The following PDZRN3 variants were observed in gnomAD, a reference collection of about 807,000 sequenced individuals.
PDZRN3 encodes E3 ubiquitin-protein ligase PDZRN3.
In PDZRN3, 38 loss-of-function variants were observed where a neutral mutation model predicts 85.7. The observed-to-expected ratio is 0.44, with a 90% CI of 0.34 to 0.58. PDZRN3 has a LOEUF of 0.58. PDZRN3 is among the 20% of genes least tolerant of loss of function. The pLI is 0.01. For synonymous variants in PDZRN3, 759 were observed against 638.0 expected, an observed-to-expected ratio of 1.19 and a Z score of -2.86; for missense variants, 1,629 against 1,506.4, an observed-to-expected ratio of 1.08 and a Z score of -1.35.
intron 3 of PDZRN3, among the ~76,000 whole-genome samples, chr3:73,455,729 A>G (rs771615520): frequency 1.3e-5 from 2 of 152,240 alleles, no homozygotes; most frequent in Non-Finnish European, 2.9e-5. Flanking sequence ...TTTCTCTAGC[A>G]TGGAGCAAAT....
At chr3:73,600,865 A>T (rs1221635315) in intron 3 of PDZRN3, among the ~76,000 whole-genome samples, 1 of 152,238 alleles carries the variant, frequency 6.6e-6, no homozygotes, top group Non-Finnish European at 1.5e-5. Flanking sequence ...CTCTTGCCCA[A>T]GCAAATTCCT....
intron 3 of PDZRN3, among the ~76,000 whole-genome samples, chr3:73,537,503 T>G (rs1036822661): frequency 1.8e-4 from 27 of 152,356 alleles, no homozygotes; most frequent in Middle Eastern, 6.8e-3. Flanking sequence ...ATATTTGGCA[T>G]CAACAATTCC....
At chr3:73,567,091 A>T (rs1701962368) in intron 3 of PDZRN3, among the ~76,000 whole-genome samples, 1 of 152,218 alleles carries the variant, frequency 6.6e-6, no homozygotes, top group African/African-American at 2.4e-5. Context: ...AGAAAAACCT[A>T]GTTGTTATTA....
intron 1 of PDZRN3, chr3:73,621,823 C>T (rs1374903407): frequency 6.6e-6 from 1 of 152,182 alleles, no homozygotes; most frequent in African/African-American, 2.4e-5. Flanking sequence ...TGTCTCTAAG[C>T]TTAACATCCT....
At chr3:73,530,353 T>C (rs2106752864) in intron 3 of PDZRN3, among the ~76,000 whole-genome samples, 1 of 152,350 alleles carries the variant, frequency 6.6e-6, no homozygotes, top group Middle Eastern at 3.4e-3. Flanking sequence ...AAACCACGAT[T>C]ATGTACTGGC....
Position 73,439,538 on chromosome 3 carries a change from C to A in PDZRN3, c.919-35143G>T, listed in dbSNP as rs141709998. Reference sequence around the variant, plus strand: ...TGTCTGAACCCTATTTAGTGAGTGGCCACTGGTTCTTGAACAAGGAGTAAG... The same window carrying A: ...TGTCTGAACCCTATTTAGTGAGTGGACACTGGTTCTTGAACAAGGAGTAAG... On this transcript the variant is annotated intron_variant, in intron 3 of 9. Coordinates refer to ENST00000263666, the MANE Select transcript of PDZRN3 (RefSeq NM_015009.3). Among the ~76,000 whole-genome samples the A allele has an allele frequency of 4.2e-3, 644 of 152,210 alleles. 3 individuals carry two copies. Among genetic ancestry groups the A allele is most frequent in the African/African-American group, 0.015 (614 of 41,520 alleles).
chr3:73,385,384 T>C (rs1375202945), intron 9 of PDZRN3, among the ~76,000 whole-genome samples: 1 of 152,260 alleles, frequency 6.6e-6, no homozygotes, highest in East Asian at 1.9e-4. Flanking sequence ...CATGGCTTTT[T>C]GCAATCTATG....
intron 3 of PDZRN3, among the ~76,000 whole-genome samples, chr3:73,562,931 T>G (rs1239188032): frequency 6.9e-6 from 1 of 143,986 alleles, no homozygotes; most frequent in Admixed American, 7.1e-5. Flanking sequence ...GGAAAATACA[T>G]TTTCAGACTT....
At chr3:73,399,420 G>C (rs1439902362) in intron 5 of PDZRN3, among the ~76,000 whole-genome samples, 1 of 152,152 alleles carries the variant, frequency 6.6e-6, no homozygotes, top group Non-Finnish European at 1.5e-5. Context: ...CACTCCCCCA[G>C]GGGATTCTAG....
chr3:73,482,029 G>T (rs2106906670), intron 3 of PDZRN3, among the ~76,000 whole-genome samples: 1 of 152,258 alleles, frequency 6.6e-6, no homozygotes, highest in South Asian at 2.1e-4. Flanking sequence ...TCAACATTAA[G>T]AGCATCTTTG....
At chr3:73,618,088 T>C (rs938784506) in intron 1 of PDZRN3, among the ~76,000 whole-genome samples, 4 of 152,226 alleles carry the variant, frequency 2.6e-5, no homozygotes, top group East Asian at 1.9e-4. Flanking sequence ...GAACATGGTA[T>C]GGGATGAAAA....
intron 5 of PDZRN3, among the ~76,000 whole-genome samples, chr3:73,399,507 T>G (rs1187220809): frequency 6.6e-6 from 1 of 152,168 alleles, no homozygotes; most frequent in East Asian, 1.9e-4. Context: ...CCAAATGTAT[T>G]TCATTATGAA....
intron 3 of PDZRN3, among the ~76,000 whole-genome samples, chr3:73,454,628 A>G (rs900763280): frequency 6.6e-6 from 1 of 152,200 alleles, no homozygotes; most frequent in Non-Finnish European, 1.5e-5. Flanking sequence ...GGTGGTATCT[A>G]TAAATGCTAA....
chr3:73,458,971 A>C (rs955825383), intron 3 of PDZRN3, among the ~76,000 whole-genome samples: 2 of 150,400 alleles, frequency 1.3e-5, no homozygotes, highest in African/African-American at 4.9e-5. Flanking sequence ...CAGCCCGGGC[A>C]ACAGAGCAAA....
chr3:73,400,847 G>T, intron 5 of PDZRN3, 75 bp downstream of exon 5: 1 of 1,038,850 alleles, frequency 9.6e-7, no homozygotes. Context: ...ACTAATTTAT[G>T]CTTATAGAGA....
At chr3:73,615,909 C>T (rs1005382927) in intron 1 of PDZRN3, among the ~76,000 whole-genome samples, 1 of 152,126 alleles carries the variant, frequency 6.6e-6, no homozygotes, top group Non-Finnish European at 1.5e-5. Context: ...ATGACTGTCC[C>T]CCCAAATCTC....
chr3:73,516,425 T>C (rs954019976), intron 3 of PDZRN3, among the ~76,000 whole-genome samples: 1 of 152,240 alleles, frequency 6.6e-6, no homozygotes, highest in Non-Finnish European at 1.5e-5. Flanking sequence ...TTTGGTTGTG[T>C]ATTTTCTTAA....
intron 3 of PDZRN3, among the ~76,000 whole-genome samples, chr3:73,580,263 G>C (rs1702179490): frequency 6.6e-6 from 1 of 152,228 alleles, no homozygotes; most frequent in Non-Finnish European, 1.5e-5. Flanking sequence ...ACAAGTGAGA[G>C]GGAGAGAGGA....
chr3:73,392,306 G>A (rs760846007), intron 5 of PDZRN3, among the ~76,000 whole-genome samples: 9 of 152,240 alleles, frequency 5.9e-5, no homozygotes, highest in Non-Finnish European at 1.2e-4. Flanking sequence ...GAGTAGCTAA[G>A]ATTTTATTTC....
Sources: gnomAD v4.1 joint callset for allele counts (sites outside exome capture counted in the v4.1 genomes callset) on GRCh38, gnomAD v4.1.1 for gene constraint, MANE v1.5 for transcripts, NCBI Gene and HGNC (gene_info 2026-07-23, HGNC 2026-07-21) for gene names.